Variants in MARCHF1 observed in about 807,000 individuals in gnomAD.
MARCHF1 encodes membrane associated ring-CH-type finger 1.
A neutral mutation model predicts 54.2 loss-of-function variants in MARCHF1; 40 were observed. The observed-to-expected ratio is 0.74, with a 90% CI of 0.57 to 0.96. MARCHF1 has a LOEUF of 0.96. Among genes scored for constraint, MARCHF1 ranks in the 40% least tolerant of loss-of-function variants. The probability of loss-of-function intolerance (pLI) is 0.00; values close to 1 mark genes in which losing one functional copy is unlikely to be tolerated. For missense variants in MARCHF1, 586 were observed against 656.5 expected (o/e 0.89, Z 1.17); for synonymous variants, 236 against 236.3 (o/e 1.00, Z 0.01).
At chr4:163,566,392 A>G (rs893316769) in intron 8 of MARCHF1, among the ~76,000 whole-genome samples, 58 of 152,324 alleles carry the variant, frequency 3.8e-4, no homozygotes, top group African/African-American at 1.3e-3. Context: ...CTGCCTCTGT[A>G]ACAACAAAGT....
chr4:163,680,927 C>T (rs973058952), intron 5 of MARCHF1, among the ~76,000 whole-genome samples: 12 of 151,476 alleles, frequency 7.9e-5, no homozygotes, highest in African/African-American at 2.9e-4. Context: ...TTGCCTAGCA[C>T]TGTGTCTAAT....
chr4:164,200,741 A>C (rs1731428727), intron 1 of MARCHF1, among the ~76,000 whole-genome samples: 1 of 152,252 alleles, frequency 6.6e-6, no homozygotes, highest in Non-Finnish European at 1.5e-5. Context: ...TAAAGAAAGA[A>C]ATAAACAATC....
In MARCHF1 at chr4:163,619,351, A is replaced by G. The variant is rs113705795; in HGVS notation, c.163-5958T>C. On this transcript the variant is annotated intron_variant, in intron 5 of 9. Coordinates refer to ENST00000514618, the MANE Select transcript of MARCHF1 (RefSeq NM_001394959.1). ...TGCAGTGAGGATGGAGAAAAGGGAT[A>G]GTTTGAGCAATCAAATCCCAACAGG... is the stretch of plus-strand genomic sequence containing the variant. Among the ~76,000 whole-genome samples, 60 of 152,298 alleles carry G rather than the reference A, an allele frequency of 3.9e-4. 1 individual carries two copies. The highest frequency in any genetic ancestry group is 1.4e-3 in the African/African-American group (58 of 41,586).
At chr4:163,743,905 T>A (rs1273252761) in intron 4 of MARCHF1, among the ~76,000 whole-genome samples, 2 of 152,204 alleles carry the variant, frequency 1.3e-5, no homozygotes, top group Non-Finnish European at 2.9e-5. Context: ...ACATTTTGTA[T>A]CACAACTTAT....
intron 3 of MARCHF1, among the ~76,000 whole-genome samples, chr4:163,906,790 T>G (rs78641619): frequency 1.3e-5 from 2 of 151,266 alleles, no homozygotes; most frequent in Non-Finnish European, 3.0e-5. Flanking sequence ...TCTTGTCTTA[T>G]AGAGACTAGG....
At chr4:164,202,738 G>A (rs906784880) in intron 1 of MARCHF1, among the ~76,000 whole-genome samples, 9 of 152,148 alleles carry the variant, frequency 5.9e-5, no homozygotes, top group African/African-American at 1.9e-4. Context: ...CACAATGGTA[G>A]TCATAGTTCT....
At chr4:164,041,581 A>T (rs1754130027) in intron 2 of MARCHF1, among the ~76,000 whole-genome samples, 1 of 152,200 alleles carries the variant, frequency 6.6e-6, no homozygotes, top group South Asian at 2.1e-4. Flanking sequence ...ATTTTAGATG[A>T]AAATATTTAA....
At chr4:163,873,174 C>G (rs573407136) in intron 3 of MARCHF1, among the ~76,000 whole-genome samples, 14 of 152,336 alleles carry the variant, frequency 9.2e-5, no homozygotes, top group African/African-American at 3.1e-4. Flanking sequence ...TGAACAATCT[C>G]TCTCTTTCCA....
chr4:163,671,013 T>C (rs1438633904), intron 5 of MARCHF1, among the ~76,000 whole-genome samples: 4 of 152,244 alleles, frequency 2.6e-5, no homozygotes, highest in African/African-American at 9.6e-5. Context: ...TCACCTCTTC[T>C]GAGTTCATTT....
At chr4:163,581,289 T>C (rs1483763649) in intron 8 of MARCHF1, among the ~76,000 whole-genome samples, 2 of 152,244 alleles carry the variant, frequency 1.3e-5, no homozygotes, top group Non-Finnish European at 2.9e-5. Context: ...AATAGGATTG[T>C]AATGAAAATT....
At chr4:164,185,811 A>ACAC (rs1560944263) in intron 1 of MARCHF1, among the ~76,000 whole-genome samples, 3 of 22,690 alleles carry the variant, frequency 1.3e-4, no homozygotes, top group East Asian at 4.8e-4. Context: ...CACACACACA[A>ACAC]AAAAAAAAAC....
intron 5 of MARCHF1, among the ~76,000 whole-genome samples, chr4:163,640,860 C>A (rs991567884): frequency 1.3e-5 from 2 of 151,886 alleles, no homozygotes; most frequent in Non-Finnish European, 2.9e-5. Context: ...TTGGTTAAGG[C>A]CACCTTTTGG....
chr4:163,738,868 T>C (rs936234411), intron 4 of MARCHF1, among the ~76,000 whole-genome samples: 1 of 152,304 alleles, frequency 6.6e-6, no homozygotes, highest in East Asian at 1.9e-4. Flanking sequence ...CCTAAATTCT[T>C]AGGCCAGCAA....
At chr4:163,813,494 A>G (rs1579307048) in intron 4 of MARCHF1, among the ~76,000 whole-genome samples, 2 of 152,204 alleles carry the variant, frequency 1.3e-5, no homozygotes. Flanking sequence ...ATATTAGAAT[A>G]TTACACACAT....
intron 2 of MARCHF1, among the ~76,000 whole-genome samples, chr4:164,009,892 A>T (rs995979796): frequency 6.6e-6 from 1 of 152,128 alleles, no homozygotes; most frequent in African/African-American, 2.4e-5. Context: ...AAATACAAGG[A>T]TGCCTACCTT....
intron 1 of MARCHF1, among the ~76,000 whole-genome samples, chr4:164,117,761 A>G (rs1262513425): frequency 6.6e-6 from 1 of 151,904 alleles, no homozygotes; most frequent in Non-Finnish European, 1.5e-5. Flanking sequence ...TTAGGTGGGC[A>G]TGATGGTGGG....
chr4:163,709,294 G>T (rs1745038401), intron 4 of MARCHF1, among the ~76,000 whole-genome samples: 1 of 152,046 alleles, frequency 6.6e-6, no homozygotes, highest in Non-Finnish European at 1.5e-5. Context: ...AGTTGTTTTA[G>T]GCCAGGCAAG....
At chr4:163,806,241 T>G (rs79106528) in intron 4 of MARCHF1, among the ~76,000 whole-genome samples, 3,630 of 152,332 alleles carry the variant, frequency 0.024, 65 homozygotes, top group East Asian at 0.074. Context: ...TCTGACATCC[T>G]TCTTTTATTT....
intron 1 of MARCHF1, among the ~76,000 whole-genome samples, chr4:164,286,506 A>G (rs1734150861): frequency 6.6e-6 from 1 of 152,018 alleles, no homozygotes; most frequent in Non-Finnish European, 1.5e-5. Flanking sequence ...TTCTTCAGAA[A>G]AAAATATAAA....
Sources: allele counts gnomAD v4.1 joint callset (sites outside exome capture counted in the v4.1 genomes callset), GRCh38; gene constraint gnomAD v4.1.1; transcripts MANE v1.5; gene names NCBI Gene and HGNC (gene_info 2026-07-23, HGNC 2026-07-21).